Variants in SLC8A1 observed in about 807,000 individuals in gnomAD.
The protein encoded by SLC8A1 is solute carrier family 8 member A1.
Under a neutral mutation model 68.3 loss-of-function variants are expected in SLC8A1, and 18 were observed. The ratio of observed to expected loss-of-function variants is 0.26; its 90% CI spans 0.18 to 0.39. SLC8A1 has a LOEUF of 0.39. SLC8A1 is among the 10% of genes least tolerant of loss of function. The probability of loss-of-function intolerance (pLI) is 1.00; values close to 1 mark genes in which losing one functional copy is unlikely to be tolerated. For synonymous variants in SLC8A1, 475 were observed against 415.5 expected (o/e 1.14, Z -1.74); for missense variants, 985 against 1,156.7 (o/e 0.85, Z 2.15).
At position 40,238,291 on chromosome 2, in the gene SLC8A1, G is replaced by A. The variant is rs529977162; in HGVS notation, c.1809-60436C>T. Among the ~76,000 whole-genome samples, 143 of 152,330 alleles carry A rather than the reference G, an allele frequency of 9.4e-4. 1 individual carries two copies. The highest frequency in any genetic ancestry group is 3.4e-3 in the Middle Eastern group (1 of 294). On this transcript the variant is annotated intron_variant, in intron 2 of 7. Coordinates refer to ENST00000406785, the Ensembl canonical transcript of SLC8A1. ...GCGTAGGACCCTCCCAGCCAGGTGC[G>A]GGATATAATCTCGTGGTGGGCCGTT...
intron 2 of SLC8A1, among the ~76,000 whole-genome samples, chr2:40,292,872 C>T (rs900351352): frequency 1.3e-5 from 2 of 152,122 alleles, no homozygotes; most frequent in African/African-American, 4.8e-5. Flanking sequence ...TCTATTCCTT[C>T]ATCTAGTGAA....
intron 2 of SLC8A1, among the ~76,000 whole-genome samples, chr2:40,424,655 T>TTA (rs976167097): frequency 2.0e-5 from 3 of 151,876 alleles, no homozygotes; most frequent in Non-Finnish European, 4.4e-5. Flanking sequence ...GTTTAATATG[T>TTA]TATACTATGA....
chr2:40,104,859 A>G (rs1471657046), exon 8 of SLC8A1: 1 of 151,614 alleles, frequency 6.6e-6, no homozygotes, highest in Non-Finnish European at 1.5e-5. Context: ...AAACTGACCA[A>G]TTTTTTGCTT....
intron 2 of SLC8A1, among the ~76,000 whole-genome samples, chr2:40,194,405 G>A (rs2052518954): frequency 6.6e-6 from 1 of 151,698 alleles, no homozygotes; most frequent in African/African-American, 2.4e-5. Context: ...TGAGGTGTGG[G>A]AAAGGGTAAA....
intron 2 of SLC8A1, among the ~76,000 whole-genome samples, chr2:40,326,086 A>G (rs2075795641): frequency 6.6e-6 from 1 of 152,118 alleles, no homozygotes; most frequent in Non-Finnish European, 1.5e-5. Context: ...CAATCTGTAC[A>G]GTGGTGAAAC....
chr2:40,401,600 GA>G (rs1189810946), intron 2 of SLC8A1, among the ~76,000 whole-genome samples: 160 of 116,768 alleles, frequency 1.4e-3, no homozygotes, highest in Middle Eastern at 5.5e-3. Context: ...AGAAAGAAAA[GA>G]AAGCTTTGTG....
intron 2 of SLC8A1, among the ~76,000 whole-genome samples, chr2:40,268,286 A>G (rs1395609545): frequency 6.6e-6 from 1 of 152,126 alleles, no homozygotes; most frequent in Non-Finnish European, 1.5e-5. Context: ...CCTACACCAT[A>G]CTCACTAAAG....
chr2:40,305,675 T>A (rs927284343), intron 2 of SLC8A1, among the ~76,000 whole-genome samples: 1 of 152,200 alleles, frequency 6.6e-6, no homozygotes, highest in Non-Finnish European at 1.5e-5. Flanking sequence ...GACTGTCTAA[T>A]AGAAAAGACA....
At chr2:40,413,828 A>G (rs146983857) in intron 2 of SLC8A1, among the ~76,000 whole-genome samples, 1 of 152,172 alleles carries the variant, frequency 6.6e-6, no homozygotes, top group Non-Finnish European at 1.5e-5. Context: ...AATATAACAT[A>G]AATACATAGA....
At chr2:40,257,074 T>C (rs926789203) in intron 2 of SLC8A1, among the ~76,000 whole-genome samples, 3 of 152,186 alleles carry the variant, frequency 2.0e-5, no homozygotes, top group African/African-American at 4.8e-5. Flanking sequence ...ATAACAAATA[T>C]ACATATCTGT....
intron 2 of SLC8A1, among the ~76,000 whole-genome samples, chr2:40,299,536 T>TCAG (rs1553484661): frequency 1.3e-5 from 2 of 151,634 alleles, no homozygotes; most frequent in African/African-American, 4.9e-5. Context: ...AAAGGAGATT[T>TCAG]AAAGTGACAA....
intron 2 of SLC8A1, among the ~76,000 whole-genome samples, chr2:40,230,091 A>G (rs977355679): frequency 1.2e-4 from 19 of 152,154 alleles, no homozygotes; most frequent in African/African-American, 4.1e-4. Context: ...TAGGGCTGCA[A>G]TCCATCTCTA....
chr2:40,385,975 G>C (rs1421612269), intron 2 of SLC8A1, among the ~76,000 whole-genome samples: 1 of 69,342 alleles, frequency 1.4e-5, no homozygotes, highest in East Asian at 2.3e-4. Flanking sequence ...AATTATAATA[G>C]GTGATTTTCA....
chr2:40,429,599 C>G (rs1482019306), exon 2 of SLC8A1: 2 of 1,613,708 alleles, frequency 1.2e-6, no homozygotes, highest in Non-Finnish European at 1.7e-6. Context: ...TCCACAACAC[C>G]AGGAGATATG....
At chr2:40,498,499 A>G (rs11124743) in intron 1 of SLC8A1, among the ~76,000 whole-genome samples, 52,961 of 151,938 alleles carry the variant, frequency 0.35, 9,369 homozygotes, top group Non-Finnish European at 0.37. Context: ...TTAGGGATCT[A>G]AAACCTATCA....
chr2:40,132,911 CT>C (rs775618571), intron 7 of SLC8A1, among the ~76,000 whole-genome samples: 8 of 152,134 alleles, frequency 5.3e-5, no homozygotes, highest in Non-Finnish European at 1.2e-4. Flanking sequence ...CTGCTCAAAA[CT>C]TTTCCCATTT....
At chr2:40,207,019 T>C (rs866274132) in intron 2 of SLC8A1, among the ~76,000 whole-genome samples, 1 of 152,028 alleles carries the variant, frequency 6.6e-6, no homozygotes, top group African/African-American at 2.4e-5. Flanking sequence ...TTCCTTATGA[T>C]GTATGAAAAA....
intron 2 of SLC8A1, among the ~76,000 whole-genome samples, chr2:40,228,117 C>G (rs1431613024): frequency 6.6e-6 from 1 of 152,108 alleles, no homozygotes; most frequent in Non-Finnish European, 1.5e-5. Context: ...TTCATCAGTG[C>G]AAGTGTTGAC....
intron 2 of SLC8A1, among the ~76,000 whole-genome samples, chr2:40,266,518 C>T (rs2065372330): frequency 6.6e-6 from 1 of 152,146 alleles, no homozygotes; most frequent in Non-Finnish European, 1.5e-5. Context: ...CTGCCCATTG[C>T]TTCTGGACAC....
Sources: gnomAD v4.1 joint callset for allele counts (sites outside exome capture counted in the v4.1 genomes callset) on GRCh38, gnomAD v4.1.1 for gene constraint, MANE v1.5 for transcripts, NCBI Gene and HGNC (gene_info 2026-07-23, HGNC 2026-07-21) for gene names.